The following CPNE4 variants were observed in gnomAD, a reference collection of about 807,000 sequenced individuals.
The protein encoded by CPNE4 is copine 4, also known as copine-4.
A neutral mutation model predicts 67.9 loss-of-function variants in CPNE4; 25 were observed. The observed-to-expected ratio is 0.37, with a 90% CI of 0.27 to 0.51. The LOEUF is 0.51. Among genes scored for constraint, CPNE4 ranks in the 20% least tolerant of loss-of-function variants. CPNE4 has a pLI of 0.93. For missense variants in CPNE4, 464 were observed against 690.8 expected, an observed-to-expected ratio of 0.67 and a Z score of 3.68; for synonymous variants, 242 against 244.9, an observed-to-expected ratio of 0.99 and a Z score of 0.11.
intron 2 of CPNE4, among the ~76,000 whole-genome samples, chr3:131,741,273 G>A (rs1370180586): frequency 6.6e-6 from 1 of 152,082 alleles, no homozygotes; most frequent in African/African-American, 2.4e-5. Context: ...CAAATGCAGG[G>A]TTAGTCAGAA....
At chr3:131,801,345 A>G (rs1442821600) in intron 2 of CPNE4, among the ~76,000 whole-genome samples, 7 of 101,232 alleles carry the variant, frequency 6.9e-5, no homozygotes, top group African/African-American at 2.2e-4. Context: ...ACATATATAT[A>G]TATATGTACC....
At chr3:131,542,139 A>G (rs866263582) in intron 15 of CPNE4, among the ~76,000 whole-genome samples, 3 of 152,196 alleles carry the variant, frequency 2.0e-5, no homozygotes, top group Non-Finnish European at 4.4e-5. Flanking sequence ...TTGACAAGCA[A>G]AACATAAGCT....
In CPNE4 at chr3:131,629,059, A is replaced by T. The variant is rs1239410622; in HGVS notation, c.681+40616T>A. Among the ~76,000 whole-genome samples, 3 of 152,280 alleles carry T rather than the reference A, an allele frequency of 2.0e-5. No individual in the cohort carries two copies. The South Asian group carries it at 6.2e-4, about 32-fold the overall frequency. ...TGTAGTGCTATAAATTTCCCTCTACACACTGCTTTAAATGTGTCCCAGAGA... is the reference window on the plus strand; with the variant it reads ...TGTAGTGCTATAAATTTCCCTCTACTCACTGCTTTAAATGTGTCCCAGAGA... On this transcript the variant is annotated intron_variant, in intron 7 of 15. Coordinates refer to ENST00000429747, the MANE Select transcript of CPNE4 (RefSeq NM_130808.3).
intron 6 of CPNE4, among the ~76,000 whole-genome samples, chr3:131,674,096 G>C (rs569640191): frequency 5.9e-5 from 9 of 152,084 alleles, no homozygotes; most frequent in African/African-American, 2.2e-4. Context: ...CCTTCATTCT[G>C]TTGGTATGAT....
intron 2 of CPNE4, among the ~76,000 whole-genome samples, chr3:131,868,595 A>G (rs2087059763): frequency 1.3e-5 from 2 of 152,254 alleles, no homozygotes; most frequent in Admixed American, 1.3e-4. Flanking sequence ...AATAAATTCT[A>G]ACTGACACAA....
At chr3:131,568,954 A>G (rs2107672575) in intron 10 of CPNE4, among the ~76,000 whole-genome samples, 1 of 152,110 alleles carries the variant, frequency 6.6e-6, no homozygotes, top group Non-Finnish European at 1.5e-5. Flanking sequence ...TTCTTTTTAA[A>G]TAGCTGTGTA....
intron 2 of CPNE4, among the ~76,000 whole-genome samples, chr3:131,723,893 A>G (rs1053429006): frequency 4.6e-5 from 7 of 152,182 alleles, no homozygotes; most frequent in Middle Eastern, 3.2e-3. Flanking sequence ...TTGTATCATT[A>G]TATCATTATG....
chr3:131,823,961 T>C (rs1332987159), intron 2 of CPNE4, among the ~76,000 whole-genome samples: 2 of 152,232 alleles, frequency 1.3e-5, no homozygotes, highest in Non-Finnish European at 2.9e-5. Flanking sequence ...CAATGAATTC[T>C]TGTTAAATGA....
chr3:131,838,389 G>T (rs1158601723), intron 2 of CPNE4, among the ~76,000 whole-genome samples: 1 of 151,734 alleles, frequency 6.6e-6, no homozygotes, highest in Non-Finnish European at 1.5e-5. Flanking sequence ...ATGCAACAGA[G>T]AACAGAGAAA....
chr3:131,848,778 C>G (rs1274058350), intron 2 of CPNE4, among the ~76,000 whole-genome samples: 1 of 151,448 alleles, frequency 6.6e-6, no homozygotes, highest in Non-Finnish European at 1.5e-5. Flanking sequence ...TGCCCAAGCA[C>G]AAACCAGGCC....
intron 2 of CPNE4, among the ~76,000 whole-genome samples, chr3:131,726,001 A>T (rs937643539): frequency 6.6e-6 from 1 of 152,196 alleles, no homozygotes. Flanking sequence ...AGATTTAATT[A>T]TATTTATATT....
In CPNE4 at chr3:132,034,919, CGAGGGAG is replaced by C. The variant is rs942861918; in HGVS notation, c.-361_-355del. 7.1e-5 allele frequency: 70 copies of C among 984,554 alleles called. No individual in the cohort carries two copies. In the East Asian group the frequency reaches 1.6e-3, roughly 22 times the overall value. 61.0% of individuals were successfully genotyped at this position (984,554 alleles called of 1,614,324 possible). ...AAAAGAGGGAGGGAGTGGAGTGGAG[CGAGGGAG>C]GAAGGAAAGGAGGGTGGCAGAAAGA... On this transcript the variant is annotated 5_prime_UTR_variant, in exon 1 of 16. Transcript: ENST00000429747.
At chr3:131,703,424 G>T (rs2081349620) in intron 3 of CPNE4, among the ~76,000 whole-genome samples, 1 of 152,154 alleles carries the variant, frequency 6.6e-6, no homozygotes, top group Non-Finnish European at 1.5e-5. Flanking sequence ...ACTCTTTTTA[G>T]CAAGGTTGGA....
intron 7 of CPNE4, among the ~76,000 whole-genome samples, chr3:131,641,267 C>T (rs2079533014): frequency 1.3e-5 from 2 of 152,066 alleles, no homozygotes; most frequent in Non-Finnish European, 2.9e-5. Context: ...ATCTATACAT[C>T]TGACAAAGGA....
intron 2 of CPNE4, among the ~76,000 whole-genome samples, chr3:131,753,876 A>T (rs930455732): frequency 9.2e-5 from 14 of 151,700 alleles, no homozygotes; most frequent in African/African-American, 2.9e-4. Context: ...TCTACTTTAA[A>T]TTTTTTTTTA....
chr3:131,570,573 C>T (rs1457014172), intron 10 of CPNE4, among the ~76,000 whole-genome samples: 6 of 151,934 alleles, frequency 3.9e-5, no homozygotes, highest in East Asian at 1.9e-4. Flanking sequence ...TTTTTAGCTG[C>T]TCTACCATGT....
intron 1 of CPNE4, among the ~76,000 whole-genome samples, chr3:132,029,658 C>T (rs1469217756): frequency 1.3e-5 from 2 of 152,204 alleles, no homozygotes; most frequent in Non-Finnish European, 2.9e-5. Flanking sequence ...AGCCTTAAAC[C>T]TGAGCTTTCT....
intron 1 of CPNE4, among the ~76,000 whole-genome samples, chr3:132,030,913 T>C (rs535067293): frequency 1.4e-4 from 21 of 152,296 alleles, no homozygotes; most frequent in South Asian, 1.0e-3. Flanking sequence ...TCAAATAACA[T>C]AGAAAAGATG....
At chr3:131,857,859 T>C (rs1046773657) in intron 2 of CPNE4, among the ~76,000 whole-genome samples, 1 of 151,854 alleles carries the variant, frequency 6.6e-6, no homozygotes, top group African/African-American at 2.4e-5. Flanking sequence ...CCTAACAACA[T>C]AGCAATTTCC....
Sources: gnomAD v4.1 joint callset for allele counts (sites outside exome capture counted in the v4.1 genomes callset) on GRCh38, gnomAD v4.1.1 for gene constraint, MANE v1.5 for transcripts, NCBI Gene and HGNC (gene_info 2026-07-23, HGNC 2026-07-21) for gene names.